Variants in RPRD2 observed in about 807,000 individuals in gnomAD.
RPRD2 encodes regulation of nuclear pre-mRNA domain-containing protein 2.
In RPRD2, 12 loss-of-function variants were observed where a neutral mutation model predicts 104.4. The ratio of observed to expected loss-of-function variants is 0.11; its 90% CI spans 0.07 to 0.19. The LOEUF (loss-of-function observed/expected upper bound fraction) is 0.19, where lower values mean the gene tolerates loss of function less well. Ranked by LOEUF, RPRD2 falls within the 10% of genes least tolerant of loss-of-function variation. The pLI is 1.00. For missense variants in RPRD2, 1,543 were observed against 1,790.1 expected, an observed-to-expected ratio of 0.86 and a Z score of 2.49; for synonymous variants, 714 against 684.9, an observed-to-expected ratio of 1.04 and a Z score of -0.66.
intron 10 of RPRD2, among the ~76,000 whole-genome samples, chr1:150,468,563 T>A (rs1668424178): frequency 1.3e-5 from 2 of 152,144 alleles, no homozygotes; most frequent in African/African-American, 4.8e-5. Context: ...TTCTGGGTTT[T>A]GTGAGAACAG....
At chr1:150,404,973 C>T (rs1275223473) in intron 1 of RPRD2, among the ~76,000 whole-genome samples, 1 of 152,172 alleles carries the variant, frequency 6.6e-6, no homozygotes, top group Admixed American at 6.5e-5. Context: ...ATAGCATGTG[C>T]TTTGCATGAA....
chr1:150,440,465 G>A (rs1666341937), intron 2 of RPRD2, among the ~76,000 whole-genome samples: 1 of 152,154 alleles, frequency 6.6e-6, no homozygotes, highest in Non-Finnish European at 1.5e-5. Context: ...TTGTTACTAT[G>A]TATTCTCATA....
intron 2 of RPRD2, among the ~76,000 whole-genome samples, chr1:150,432,365 G>T (rs1665661991): frequency 6.6e-6 from 1 of 151,964 alleles, no homozygotes; most frequent in African/African-American, 2.4e-5. Context: ...GAGATAAGGG[G>T]GAGTTATTGG....
At chr1:150,409,278 AAT>A (rs1553887223) in intron 1 of RPRD2, among the ~76,000 whole-genome samples, 1 of 152,186 alleles carries the variant, frequency 6.6e-6, no homozygotes, top group African/African-American at 2.4e-5. Context: ...CAGCCCCTAG[AAT>A]ACCTCATTGT....
rs1318737232 is a variant in RPRD2 at position 150,387,566 on chromosome 1, CCTTTTT to C, written c.205+22648_205+22653del. On this transcript the variant is annotated intron_variant, in intron 1 of 10. Transcript: ENST00000369068. ...TAAATCTTACAGAAGTTGCAACAGA[CCTTTTT>C]TTTTTTTTTTTTTTTTTTTTTTTTT... Among the ~76,000 whole-genome samples the C allele has an allele frequency of 7.7e-3, 541 of 70,102 alleles. 78 individuals carry two copies. Among genetic ancestry groups the C allele is most frequent in the South Asian group, 0.019 (33 of 1,720 alleles). The allele number at this position is 70,102 out of a possible 152,430, so 46.0% of individuals were successfully genotyped here. A position where few individuals can be genotyped will look rare whatever the true frequency, so the allele number is the denominator to read the frequency against.
chr1:150,413,860 G>A (rs1366342915), intron 1 of RPRD2, among the ~76,000 whole-genome samples: 1 of 151,904 alleles, frequency 6.6e-6, no homozygotes, highest in Non-Finnish European at 1.5e-5. Context: ...AGGAGGCAGA[G>A]GTTGCGGTGA....
At chr1:150,379,761 C>CTCAAG (rs1231672037) in intron 1 of RPRD2, among the ~76,000 whole-genome samples, 4 of 152,206 alleles carry the variant, frequency 2.6e-5, no homozygotes, top group Non-Finnish European at 5.9e-5. Flanking sequence ...TGGCCTCGAT[C>CTCAAG]TCTTGACCTT....
At chr1:150,368,831 C>T (rs1660049258) in intron 1 of RPRD2, among the ~76,000 whole-genome samples, 1 of 152,158 alleles carries the variant, frequency 6.6e-6, no homozygotes, top group Non-Finnish European at 1.5e-5. Context: ...TGGTTTTGAA[C>T]TCCTGATCTC....
At chr1:150,456,440 A>G (rs181671354) in intron 7 of RPRD2, among the ~76,000 whole-genome samples, 32 of 152,216 alleles carry the variant, frequency 2.1e-4, no homozygotes, top group African/African-American at 7.5e-4. Context: ...TGTGCCAGCA[A>G]TGTACGTGAT....
chr1:150,376,086 C>T (rs1553879405), intron 1 of RPRD2, among the ~76,000 whole-genome samples: 1 of 152,074 alleles, frequency 6.6e-6, no homozygotes, highest in Admixed American at 6.6e-5. Flanking sequence ...GCTTTTCTGG[C>T]TAAGATAAAG....
intron 10 of RPRD2, among the ~76,000 whole-genome samples, chr1:150,467,535 G>A (rs1014943797): frequency 1.8e-4 from 28 of 151,730 alleles, no homozygotes; most frequent in Non-Finnish European, 3.4e-4. Context: ...CACCATGCCC[G>A]GCTAATTTTT....
At chr1:150,429,495 C>T (rs4265470) in intron 2 of RPRD2, among the ~76,000 whole-genome samples, 12,453 of 152,058 alleles carry the variant, frequency 0.082, 678 homozygotes, top group Non-Finnish European at 0.12. Context: ...GCTGAGACTA[C>T]AGGCACGCAC....
rs587702848 is a variant in RPRD2 at position 150,452,814 on chromosome 1, G to A, written c.871-4474G>A. On this transcript the variant is annotated intron_variant, in intron 7 of 10. Coordinates refer to ENST00000369068, the MANE Select transcript of RPRD2 (RefSeq NM_015203.5). ...GCCTCCCAAGTAGCTGGGATTACAG[G>A]CATTCGCCACCACGCCTGCCTAATT... Among the ~76,000 whole-genome samples, 14 of 151,770 alleles carry A rather than the reference G, an allele frequency of 9.2e-5. No individual in the cohort carries two copies. In the East Asian group the frequency reaches 2.3e-3, roughly 25 times the overall value.
In RPRD2 at chr1:150,460,188, C is replaced by T. The variant is rs1444027322; in HGVS notation, c.1282C>T (p.Pro428Ser). The stretch of plus-strand genomic sequence containing the variant: ...GCCTGTGACCATGACAGCAACTCCA[C>T]CTCTTCCAAAGCCTGTGAATACTTC... ...PVPVTMTATP[P>S]LPKPVNTSLS... The change falls in exon 9 of 11, where the codon CCT becomes TCT. Residue 428 changes from proline to serine, a missense_variant. Pro to Ser is a moderately conservative substitution (Grantham distance 74). Transcript: ENST00000369068. 1.4e-5 allele frequency: 22 copies of T among 1,613,840 alleles called. No homozygotes were observed. Among genetic ancestry groups the T allele is most frequent in the Non-Finnish European group, 1.8e-5 (21 of 1,179,880 alleles).
intron 1 of RPRD2, among the ~76,000 whole-genome samples, chr1:150,399,446 T>C (rs1465227420): frequency 6.6e-6 from 1 of 152,180 alleles, no homozygotes; most frequent in African/African-American, 2.4e-5. Flanking sequence ...TGTCTATGCA[T>C]CTTGCACCTT....
At chr1:150,451,146 A>G (rs1329003026) in intron 7 of RPRD2, among the ~76,000 whole-genome samples, 1 of 152,128 alleles carries the variant, frequency 6.6e-6, no homozygotes, top group Non-Finnish European at 1.5e-5. Context: ...ATTTTGTATA[A>G]TGTTTCCCAG....
intron 10 of RPRD2, among the ~76,000 whole-genome samples, chr1:150,466,478 G>A (rs1425027095): frequency 6.7e-6 from 1 of 149,388 alleles, no homozygotes; most frequent in Non-Finnish European, 1.5e-5. Flanking sequence ...GAGCCCAGGA[G>A]TTCAAGGCTG....
intron 10 of RPRD2, among the ~76,000 whole-genome samples, chr1:150,465,707 A>C (rs782395313): frequency 6.6e-6 from 1 of 152,074 alleles, no homozygotes; most frequent in Non-Finnish European, 1.5e-5. Flanking sequence ...ATATATGTTG[A>C]GTTTTATTAA....
At chr1:150,381,586 G>A (rs1661134579) in intron 1 of RPRD2, among the ~76,000 whole-genome samples, 1 of 149,776 alleles carries the variant, frequency 6.7e-6, no homozygotes, top group African/African-American at 2.5e-5. Flanking sequence ...CTCATTGCAA[G>A]CTCTGCCTCC....
Sources: gnomAD v4.1 joint callset for allele counts (sites outside exome capture counted in the v4.1 genomes callset) on GRCh38, gnomAD v4.1.1 for gene constraint, MANE v1.5 for transcripts, NCBI Gene and HGNC (gene_info 2026-07-23, HGNC 2026-07-21) for gene names.